Variants in PPARGC1A observed in about 807,000 individuals in gnomAD.
The protein encoded by PPARGC1A is PPARG coactivator 1 alpha.
In PPARGC1A, 25 loss-of-function variants were observed where a neutral mutation model predicts 88.7. The ratio of observed to expected loss-of-function variants is 0.28; its 90% confidence interval spans 0.21 to 0.39. The LOEUF (loss-of-function observed/expected upper bound fraction) is 0.39. Ranked by LOEUF, PPARGC1A falls within the 10% of genes least tolerant of loss-of-function variation. The probability of loss-of-function intolerance (pLI) is 1.00; values close to 1 mark genes in which losing one functional copy is unlikely to be tolerated. For missense variants in PPARGC1A, 880 were observed against 968.7 expected, an observed-to-expected ratio of 0.91 and a Z score of 1.22; for synonymous variants, 363 against 355.6, an observed-to-expected ratio of 1.02 and a Z score of -0.24.
At chr4:23,890,165 T>G, upstream of PPARGC1A, 1 of 1,104,142 alleles carries the variant, frequency 9.1e-7, no homozygotes, top group Non-Finnish European at 1.2e-6. Context: ...CTTGCTGCTC[T>G]AACTCGTGAC....
At chr4:24,113,004 T>TGTTA in the PPARGC1A span, among the ~76,000 whole-genome samples, 320 of 152,334 alleles carry the variant, frequency 2.1e-3, 2 homozygotes, top group African/African-American at 7.3e-3. Context: ...TTAATATAGA[T>TGTTA]GTTAGATAGA....
chr4:24,295,438 T>C, the PPARGC1A span, among the ~76,000 whole-genome samples: 1 of 151,982 alleles, frequency 6.6e-6, no homozygotes, highest in Non-Finnish European at 1.5e-5. Flanking sequence ...GAATACAAAA[T>C]TAAGGTAAAA....
At chr4:24,321,277 A>G in the PPARGC1A span, among the ~76,000 whole-genome samples, 75,238 of 152,074 alleles carry the variant, frequency 0.49, 19,503 homozygotes, top group African/African-American at 0.65. Flanking sequence ...GTAGATTCCA[A>G]GCCTCAGGAT....
the PPARGC1A span, among the ~76,000 whole-genome samples, chr4:24,334,793 A>G: frequency 1.3e-5 from 2 of 152,196 alleles, no homozygotes; most frequent in Non-Finnish European, 2.9e-5. Context: ...AGTGTTCCCT[A>G]TGATGTGATA....
intron 2 of PPARGC1A, among the ~76,000 whole-genome samples, chr4:23,857,373 GACA>G (rs1293845360): frequency 6.7e-5 from 7 of 104,452 alleles, no homozygotes. Context: ...GTGTGTGTGT[GACA>G]CACACACACA....
chr4:23,796,555 G>T (rs748400959), intron 12 of PPARGC1A, among the ~76,000 whole-genome samples: 20 of 152,150 alleles, frequency 1.3e-4, no homozygotes, highest in Non-Finnish European at 2.6e-4. Flanking sequence ...ATAAAGCCAT[G>T]CCCTTCTTGG....
intron 7 of PPARGC1A, among the ~76,000 whole-genome samples, chr4:23,821,944 G>A (rs1723082720): frequency 6.6e-6 from 1 of 152,068 alleles, no homozygotes; most frequent in Non-Finnish European, 1.5e-5. Flanking sequence ...AAGCTTTGCT[G>A]CTTATAAACT....
the PPARGC1A span, among the ~76,000 whole-genome samples, chr4:24,414,215 G>A: frequency 8.5e-5 from 13 of 152,096 alleles, no homozygotes; most frequent in Non-Finnish European, 1.8e-4. Context: ...TTGAAACATT[G>A]CAGATTACAA....
chr4:24,261,649 G>A, the PPARGC1A span, among the ~76,000 whole-genome samples: 16 of 152,136 alleles, frequency 1.1e-4, no homozygotes, highest in South Asian at 6.2e-4. Flanking sequence ...CATTAGTCAC[G>A]AGAATGTAAT....
the PPARGC1A span, among the ~76,000 whole-genome samples, chr4:24,254,663 G>A: frequency 4.6e-5 from 7 of 152,218 alleles, no homozygotes; most frequent in African/African-American, 1.2e-4. Context: ...TGCAGAGGGC[G>A]TGACGTGAAA....
the PPARGC1A span, among the ~76,000 whole-genome samples, chr4:24,041,319 T>A: frequency 6.6e-6 from 1 of 152,202 alleles, no homozygotes; most frequent in African/African-American, 2.4e-5. Context: ...TAGAAAGGGC[T>A]GCATTTCTCC....
chr4:24,305,133 G>GTGTA, the PPARGC1A span, among the ~76,000 whole-genome samples: 3 of 142,912 alleles, frequency 2.1e-5, no homozygotes, highest in East Asian at 6.2e-4. Context: ...ATATGTGTAT[G>GTGTA]TATATATATA....
chr4:23,925,836 A>AAG, the PPARGC1A span, among the ~76,000 whole-genome samples: 7 of 151,722 alleles, frequency 4.6e-5, no homozygotes, highest in East Asian at 1.9e-4. Flanking sequence ...TAATACTAGA[A>AAG]AGAGAGAGAG....
chr4:23,836,021 A>G (rs1725946785), intron 2 of PPARGC1A, among the ~76,000 whole-genome samples: 1 of 152,262 alleles, frequency 6.6e-6, no homozygotes, highest in African/African-American at 2.4e-5. Flanking sequence ...GACAGGGTAT[A>G]GAAACACATT....
the PPARGC1A span, among the ~76,000 whole-genome samples, chr4:24,407,540 G>A: frequency 3.9e-5 from 6 of 152,216 alleles, no homozygotes; most frequent in African/African-American, 9.7e-5. Context: ...CAGTGACATC[G>A]ATTTTAAGAG....
the PPARGC1A span, among the ~76,000 whole-genome samples, chr4:24,158,064 C>T: frequency 6.6e-6 from 1 of 150,916 alleles, no homozygotes; most frequent in African/African-American, 2.4e-5. Context: ...TTTCCTTCCC[C>T]CCTCCCTCCT....
At chr4:24,107,446 T>C in the PPARGC1A span, among the ~76,000 whole-genome samples, 1 of 152,200 alleles carries the variant, frequency 6.6e-6, no homozygotes, top group Non-Finnish European at 1.5e-5. Flanking sequence ...TGGCAGTGGG[T>C]ATGTCAGTTT....
At chr4:24,352,311 C>T in the PPARGC1A span, among the ~76,000 whole-genome samples, 2 of 152,152 alleles carry the variant, frequency 1.3e-5, no homozygotes, top group African/African-American at 2.4e-5. Flanking sequence ...TGTAAGGCGC[C>T]CTCCCCTGTC....
chr4:23,966,440 T>G, the PPARGC1A span, among the ~76,000 whole-genome samples: 1 of 152,166 alleles, frequency 6.6e-6, no homozygotes, highest in Non-Finnish European at 1.5e-5. Flanking sequence ...AATAACCACA[T>G]AGAGCTAGCA....
Sources: allele counts gnomAD v4.1 joint callset (sites outside exome capture counted in the v4.1 genomes callset), GRCh38; gene constraint gnomAD v4.1.1; transcripts MANE v1.5; gene names NCBI Gene and HGNC (gene_info 2026-07-23, HGNC 2026-07-21).